The following DUSP6 variants were observed in gnomAD, a reference collection of about 807,000 sequenced individuals.
The protein encoded by DUSP6 is dual specificity protein phosphatase 6.
In DUSP6, 6 loss-of-function variants were observed where a neutral mutation model predicts 28.0. That is an observed-to-expected ratio of 0.21 (90% CI 0.12 to 0.42). The LOEUF (loss-of-function observed/expected upper bound fraction) is 0.42. DUSP6 is among the 10% of genes least tolerant of loss of function. The pLI is 1.00. For missense variants in DUSP6, 451 were observed against 498.1 expected, an observed-to-expected ratio of 0.91 and a Z score of 0.90; for synonymous variants, 252 against 217.5, an observed-to-expected ratio of 1.16 and a Z score of -1.40.
In DUSP6 at chr12:89,351,996, G is replaced by A. The variant is rs758485593; in HGVS notation, c.44C>T (p.Ala15Val). 3 of 1,613,010 alleles carry A rather than the reference G, an allele frequency of 1.9e-6. No individual in the cohort carries two copies. The highest frequency in any genetic ancestry group is 2.5e-6 in the Non-Finnish European group (3 of 1,179,916). The stretch of plus-strand genomic sequence containing the variant: ...GAGCCACGCCACCGTCTTGCTGATC[G>A]CCATTTCCGACGCGAAGGGCACGGG... Reference protein sequence around the residue: ...LRPVPFASEMAISKTVAWLNE... With the variant: ...LRPVPFASEMVISKTVAWLNE... Residue 15 changes from alanine to valine, a missense_variant, in exon 1 of 3, where the codon GCG (alanine) becomes GTG (valine). Coordinates refer to ENST00000279488, the MANE Select transcript of DUSP6 (RefSeq NM_001946.4).
chr12:89,351,247 G>A (rs918024918), intron 1 of DUSP6: 6 of 641,280 alleles, frequency 9.4e-6, no homozygotes, highest in Admixed American at 3.1e-5. Context: ...TCCGGAAATA[G>A]ACAAAATGGC....
rs2120508670 is a variant in DUSP6, at chr12:89,352,223, C to T, written c.-184G>A. ...GAAGTAAAGCCGGAGGTTCTCTCTGCACCCAGCTGCAGCCGCTGGCTCTTA... is the reference window on the plus strand; with the variant it reads ...GAAGTAAAGCCGGAGGTTCTCTCTGTACCCAGCTGCAGCCGCTGGCTCTTA... On this transcript the variant is annotated 5_prime_UTR_variant, in exon 1 of 3. Coordinates refer to ENST00000279488, the MANE Select transcript of DUSP6 (RefSeq NM_001946.4). 1.2e-6 allele frequency: 1 copy of T among 813,460 alleles called. No homozygotes were observed. The highest frequency in any genetic ancestry group is 1.7e-5 in the African/African-American group (1 of 58,070). The allele number at this position is 813,460 out of a possible 1,614,324, so 50.4% of individuals were successfully genotyped here.
chr12:89,349,283 A>G lies in DUSP6; in HGVS notation c.1117T>C (p.Tyr373His). 1.2e-6 allele frequency: 2 copies of G among 1,613,864 alleles called. No individual in the cohort carries two copies. The highest frequency in any genetic ancestry group is 2.2e-5 in the East Asian group (1 of 44,870). The change falls in exon 3 of 3, where the codon TAC becomes CAC. Residue 373 changes from tyrosine (Y) to histidine (H), a missense_variant. Physicochemically the swap from Tyr to His is moderately conservative, Grantham distance 83. Transcript: ENST00000279488. ...GTAGATTGCAGAGAGTCCACCTGGT[A>G]TACATTCTGGTTGGAAGGGGTGGTA... ...YFTTPSNQNV[Y>H]QVDSLQST
At chr12:89,351,534 C>G (rs548909694) in intron 1 of DUSP6, 106 bp downstream of exon 1, 3 of 1,433,200 alleles carry the variant, frequency 2.1e-6, no homozygotes, top group Admixed American at 5.7e-5. Flanking sequence ...CAGCGCGGCT[C>G]CGAAGCTCCA....
Position 89,349,284 on chromosome 12 carries a change from T to C in DUSP6, c.1116A>G (p.Val372=), listed in dbSNP as rs529134113. 3.7e-6 allele frequency: 6 copies of C among 1,613,844 alleles called. No individual in the cohort carries two copies. Among genetic ancestry groups the C allele is most frequent in the Non-Finnish European group, 3.4e-6 (4 of 1,179,776 alleles). ...TAGATTGCAGAGAGTCCACCTGGTA[T>C]ACATTCTGGTTGGAAGGGGTGGTAA... The part of the protein sequence containing the change: ...LYFTTPSNQN[V]YQVDSLQST Residue 372 remains valine (V), a synonymous_variant, in exon 3 of 3, where the codon GTA becomes GTG. Transcript: ENST00000279488.
chr12:89,349,366 C>T lies in DUSP6; in HGVS notation c.1034G>A (p.Arg345Lys). Residue 345 changes from arginine (R) to lysine (K), a missense_variant, in exon 3 of 3, where the codon AGG becomes AAG. Coordinates refer to ENST00000279488, the MANE Select transcript of DUSP6 (RefSeq NM_001946.4). Reference protein sequence around the residue: ...NFMGQLLDFERTLGLSSPCDN... With the variant: ...NFMGQLLDFEKTLGLSSPCDN... Reference sequence around the variant, plus strand: ...ACATGGGCTGCTGAGTCCCAGCGTCCTCTCGAAGTCCAGCAGCTGACCCAT... The same window carrying T: ...ACATGGGCTGCTGAGTCCCAGCGTCTTCTCGAAGTCCAGCAGCTGACCCAT... 6.2e-7 allele frequency: 1 copy of T among 1,614,188 alleles called. No individual in the cohort carries two copies. The highest frequency in any genetic ancestry group is 1.1e-5 in the South Asian group (1 of 91,090).
chr12:89,351,332 T>A (rs1189353946), intron 1 of DUSP6: 1 of 575,406 alleles, frequency 1.7e-6, no homozygotes, highest in South Asian at 2.3e-5. Flanking sequence ...CTGCAAATCT[T>A]AATTCAAAAT....
At chr12:89,351,287 T>G (rs1879177250) in intron 1 of DUSP6, 3 of 589,140 alleles carry the variant, frequency 5.1e-6, no homozygotes, top group African/African-American at 1.9e-5. Context: ...AGAGCTAAGA[T>G]GTGCCAATTT....
Sources: allele counts gnomAD v4.1 joint callset, GRCh38; gene constraint gnomAD v4.1.1; transcripts MANE v1.5; gene names NCBI Gene and HGNC (gene_info 2026-07-23, HGNC 2026-07-21).